The following DAG1 variants were observed in gnomAD, a reference collection of about 807,000 sequenced individuals.
DAG1 encodes dystroglycan 1, also known as dystroglycan 1 (dystrophin-associated glycoprotein 1).
In DAG1, 8 loss-of-function variants were observed where a neutral mutation model predicts 46.1. The observed-to-expected ratio is 0.17, with a 90% CI of 0.10 to 0.31. The LOEUF (loss-of-function observed/expected upper bound fraction) is 0.31. DAG1 is among the 10% of genes least tolerant of loss of function. The pLI, the probability that DAG1 is intolerant of heterozygous loss-of-function variation, is 1.00. For missense variants in DAG1, 1,003 were observed against 1,189.9 expected (o/e 0.84, Z 2.31); for synonymous variants, 495 against 481.8 (o/e 1.03, Z -0.36).
intron 1 of DAG1, among the ~76,000 whole-genome samples, chr3:49,495,005 G>A (rs1199333114): frequency 1.3e-5 from 2 of 152,102 alleles, no homozygotes; most frequent in East Asian, 3.9e-4. Flanking sequence ...CTGAGTACCT[G>A]CTTGGTGCCA....
chr3:49,497,575 G>A (rs2050347871), intron 1 of DAG1, among the ~76,000 whole-genome samples: 1 of 151,774 alleles, frequency 6.6e-6, no homozygotes, highest in Admixed American at 6.6e-5. Context: ...CTGTACCACT[G>A]TACTCCACCC....
intron 1 of DAG1, among the ~76,000 whole-genome samples, chr3:49,486,194 A>G (rs894743861): frequency 2.4e-5 from 2 of 83,716 alleles, no homozygotes; most frequent in African/African-American, 1.1e-4. Context: ...TCTTTTATTT[A>G]TTTATTTATT....
At chr3:49,517,242 C>G (rs2050922165) in intron 2 of DAG1, among the ~76,000 whole-genome samples, 1 of 152,026 alleles carries the variant, frequency 6.6e-6, no homozygotes, top group Admixed American at 6.6e-5. Context: ...GTCCGCCCGC[C>G]TCGGCCTCCC....
At chr3:49,493,873 T>G (rs2050248266) in intron 1 of DAG1, among the ~76,000 whole-genome samples, 1 of 152,246 alleles carries the variant, frequency 6.6e-6, no homozygotes, top group Admixed American at 6.5e-5. Flanking sequence ...ATTTCACTGG[T>G]CATAGAATGG....
intron 1 of DAG1, among the ~76,000 whole-genome samples, chr3:49,484,904 C>T (rs1259063333): frequency 1.3e-5 from 2 of 151,924 alleles, no homozygotes; most frequent in Non-Finnish European, 2.9e-5. Context: ...TCAAGCAATT[C>T]TCCTGCCTCA....
chr3:49,482,121 C>G (rs2107087830), intron 1 of DAG1, among the ~76,000 whole-genome samples: 1 of 152,274 alleles, frequency 6.6e-6, no homozygotes, highest in African/African-American at 2.4e-5. Flanking sequence ...GCCTTGTTAA[C>G]AAAATGTTTA....
At chr3:49,514,802 C>CGT (rs1553649268) in intron 2 of DAG1, among the ~76,000 whole-genome samples, 1 of 124,690 alleles carries the variant, frequency 8.0e-6, no homozygotes, top group Non-Finnish European at 1.7e-5. Context: ...CCACTCCTGG[C>CGT]ATATGTGTGT....
chr3:49,530,671 A>G (rs1477715998), intron 2 of DAG1, 126 bp from the exon 3 acceptor site: 2 of 1,366,324 alleles, frequency 1.5e-6, no homozygotes, highest in South Asian at 1.2e-5. Context: ...GGGAGGAATC[A>G]GCTTCCCCAG....
chr3:49,513,218 G>C (rs2050809033), intron 2 of DAG1, among the ~76,000 whole-genome samples: 1 of 152,166 alleles, frequency 6.6e-6, no homozygotes, highest in Admixed American at 6.5e-5. Flanking sequence ...GATGCTGCCT[G>C]TTGACAGGGA....
intron 1 of DAG1, among the ~76,000 whole-genome samples, chr3:49,480,480 T>C (rs2049845984): frequency 6.7e-6 from 1 of 150,204 alleles, no homozygotes; most frequent in South Asian, 2.1e-4. Context: ...GGTTTCACTG[T>C]GTTAGCCAGG....
chr3:49,510,566 T>C lies in DAG1; in HGVS notation c.32T>C (p.Leu11Pro). MRMSVGLSLL[L>P]PLSGRTFLLL... ...ATGTCTGTGGGCCTCTCGCTGCTGCTGCCCCTCTCGGGGAGGACCTTTCTC... is the reference window on the plus strand; with the variant it reads ...ATGTCTGTGGGCCTCTCGCTGCTGCCGCCCCTCTCGGGGAGGACCTTTCTC... Residue 11 changes from leucine to proline, a missense_variant, in exon 2 of 3, where the codon CTG becomes CCG. This residue lies in a region of DAG1 where 196 missense variants were observed against 239.1 expected (regional missense o/e 0.82). Coordinates refer to ENST00000308775, the MANE Select transcript of DAG1 (RefSeq NM_004393.6). 3.7e-6 allele frequency: 6 copies of C among 1,613,936 alleles called. No individual in the cohort carries two copies. Among genetic ancestry groups the C allele is most frequent in the Non-Finnish European group, 5.1e-6 (6 of 1,179,996 alleles).
intron 2 of DAG1, among the ~76,000 whole-genome samples, chr3:49,513,257 T>C (rs964780454): frequency 6.6e-6 from 1 of 152,144 alleles, no homozygotes; most frequent in Non-Finnish European, 1.5e-5. Context: ...GTCAGTGTCC[T>C]TGATTCCTCT....
At position 49,515,589 on chromosome 3, in the gene DAG1, T is replaced by C. The variant is rs185344460; in HGVS notation, c.285+4770T>C. Among the ~76,000 whole-genome samples, 32 of 152,126 alleles carry C rather than the reference T, an allele frequency of 2.1e-4. No homozygotes were observed. The East Asian group carries it at 5.6e-3, about 27-fold the overall frequency. On this transcript the variant is annotated intron_variant, in intron 2 of 2. Transcript: ENST00000308775. ...TTTTGTAGAGATGGGTCTCACTTTG[T>C]TGCCCAGGCCGGTCTTGAACTCCTA... is the stretch of plus-strand genomic sequence containing the variant.
intron 1 of DAG1, among the ~76,000 whole-genome samples, chr3:49,495,216 T>C (rs1446980505): frequency 6.6e-6 from 1 of 152,152 alleles, no homozygotes; most frequent in Non-Finnish European, 1.5e-5. Flanking sequence ...AGGGGGAGTT[T>C]GGGGAAGTCA....
intron 1 of DAG1, among the ~76,000 whole-genome samples, chr3:49,474,704 A>G (rs1402499571): frequency 1.1e-4 from 16 of 151,746 alleles, no homozygotes; most frequent in Admixed American, 1.1e-3. Flanking sequence ...GCTGGTCTCG[A>G]ACTTTTGAGC....
chr3:49,476,575 TCA>T (rs2049689291), intron 1 of DAG1, among the ~76,000 whole-genome samples: 1 of 152,212 alleles, frequency 6.6e-6, no homozygotes, highest in African/African-American at 2.4e-5. Flanking sequence ...GTTTTTCTTC[TCA>T]GTTATACCTT....
intron 1 of DAG1, among the ~76,000 whole-genome samples, chr3:49,472,773 C>T (rs565292426): frequency 6.7e-6 from 1 of 149,230 alleles, no homozygotes; most frequent in South Asian, 2.1e-4. Context: ...AGCCACTGCA[C>T]TCCAGCCTGG....
intron 2 of DAG1, among the ~76,000 whole-genome samples, chr3:49,520,212 G>C (rs2050992772): frequency 6.6e-6 from 1 of 152,230 alleles, no homozygotes; most frequent in African/African-American, 2.4e-5. Context: ...ACAGCCATGT[G>C]ACTGCCCATG....
intron 1 of DAG1, among the ~76,000 whole-genome samples, chr3:49,489,178 C>T (rs530921268): frequency 1.3e-3 from 195 of 152,152 alleles, no homozygotes; most frequent in Non-Finnish European, 1.1e-3. Context: ...TCACCGCAAC[C>T]TCTGCCTCCC....
Sources: gnomAD v4.1 joint callset for allele counts (sites outside exome capture counted in the v4.1 genomes callset) on GRCh38, gnomAD v4.1.1 for gene constraint, gnomAD v4.1.1 regional missense constraint, MANE v1.5 for transcripts, NCBI Gene and HGNC (gene_info 2026-07-23, HGNC 2026-07-21) for gene names.